COL26A1: variants seen among roughly 807,000 people sequenced by gnomAD.
The protein encoded by COL26A1 is collagen alpha-1(XXVI) chain.
COL26A1 carries 41 observed loss-of-function variants against 59.3 expected under a neutral mutation model. The observed-to-expected ratio is 0.69, with a 90% CI of 0.54 to 0.90. The LOEUF (loss-of-function observed/expected upper bound fraction) is 0.90, where lower values mean the gene tolerates loss of function less well. COL26A1 is among the 40% of genes least tolerant of loss of function. The pLI is 0.00. For synonymous variants in COL26A1, 266 were observed against 256.0 expected (o/e 1.04, Z -0.37); for missense variants, 612 against 602.3 (o/e 1.02, Z -0.17).
chr7:101,364,597 G>T (rs1456876637), intron 1 of COL26A1, among the ~76,000 whole-genome samples: 2 of 149,016 alleles, frequency 1.3e-5, no homozygotes, highest in Non-Finnish European at 3.0e-5. Context: ...TTAATATAGG[G>T]TCTTGCTTGC....
chr7:101,551,014 C>T, intron 9 of COL26A1, 94 bp from the exon 10 acceptor site: 2 of 1,375,564 alleles, frequency 1.5e-6, no homozygotes, highest in South Asian at 2.5e-5. Flanking sequence ...TCTGCAGACT[C>T]AGAGCACAGT....
At chr7:101,366,405 A>T (rs1261913973) in intron 1 of COL26A1, among the ~76,000 whole-genome samples, 1 of 150,312 alleles carries the variant, frequency 6.7e-6, no homozygotes, top group East Asian at 2.0e-4. Context: ...TTGACAGGCA[A>T]TGATGACAGG....
At chr7:101,450,297 C>G (rs1315205406) in intron 3 of COL26A1, among the ~76,000 whole-genome samples, 1 of 152,194 alleles carries the variant, frequency 6.6e-6, no homozygotes, top group South Asian at 2.1e-4. Context: ...AATATTGCCA[C>G]CCGGGGAAGC....
intron 1 of COL26A1, among the ~76,000 whole-genome samples, chr7:101,377,256 C>T (rs1387668157): frequency 1.3e-5 from 2 of 152,176 alleles, no homozygotes; most frequent in Non-Finnish European, 2.9e-5. Context: ...GATCCTCCCA[C>T]CTTGGCATCC....
intron 3 of COL26A1, among the ~76,000 whole-genome samples, chr7:101,460,649 C>T (rs1339355440): frequency 6.6e-6 from 1 of 151,990 alleles, no homozygotes; most frequent in Non-Finnish European, 1.5e-5. Flanking sequence ...GGCATGGTGG[C>T]ACGCATCTGT....
intron 3 of COL26A1, among the ~76,000 whole-genome samples, chr7:101,510,898 C>CTTTTTTTTTTTTTTTT (rs908747824): frequency 7.6e-6 from 1 of 130,936 alleles, no homozygotes; most frequent in Non-Finnish European, 1.6e-5. Context: ...TTCTTTCTTT[C>CTTTTTTTTTTTTTTTT]TTTTTTTTTT....
chr7:101,524,013 TAATCC>T (rs1562788071), intron 3 of COL26A1, among the ~76,000 whole-genome samples: 1 of 152,158 alleles, frequency 6.6e-6, no homozygotes, highest in African/African-American at 2.4e-5. Flanking sequence ...CTCATACCTG[TAATCC>T]CAGCACTTTG....
Position 101,469,297 on chromosome 7 carries a change from T to C in COL26A1, c.385+21510T>C, listed in dbSNP as rs1362253918. 3.9e-5 allele frequency among the ~76,000 whole-genome samples: 6 copies of C among 152,224 alleles called. No homozygotes were observed. The East Asian group carries it at 1.2e-3, about 30-fold the overall frequency. On this transcript the variant is annotated intron_variant, in intron 3 of 12. Coordinates refer to ENST00000313669, the MANE Select transcript of COL26A1 (RefSeq NM_001278563.3). The stretch of plus-strand genomic sequence containing the variant: ...AAAGGAAATGGAGACTGCTGTGGTT[T>C]TTTTTCTGACTCCAAATACATTGCT...
At chr7:101,421,976 G>C (rs1185664319) in intron 2 of COL26A1, among the ~76,000 whole-genome samples, 1 of 152,166 alleles carries the variant, frequency 6.6e-6, no homozygotes, top group African/African-American at 2.4e-5. Flanking sequence ...CAAGGGGAAT[G>C]GCTAGGTAAA....
At position 101,462,579 on chromosome 7, in the gene COL26A1, A is replaced by G. The variant is rs1793641779; in HGVS notation, c.385+14792A>G. On this transcript the variant is annotated intron_variant, in intron 3 of 12. Transcript: ENST00000313669. ...TGATCTGCCTGCCTCAGCCTCCCAA[A>G]GTGCTGGGATTACAGGCGTGAGCCA... Among the ~76,000 whole-genome samples the G allele has an allele frequency of 3.3e-5, 5 of 152,222 alleles. No homozygotes were observed. The South Asian group carries it at 1.0e-3, about 32-fold the overall frequency.
intron 3 of COL26A1, among the ~76,000 whole-genome samples, chr7:101,450,373 T>C (rs1251172779): frequency 6.6e-6 from 1 of 152,148 alleles, no homozygotes. Context: ...CATGGCTGAC[T>C]CAGATTCTAG....
intron 1 of COL26A1, among the ~76,000 whole-genome samples, chr7:101,381,995 A>G (rs181100138): frequency 2.2e-3 from 328 of 152,300 alleles, no homozygotes; most frequent in Admixed American, 2.5e-3. Flanking sequence ...TTCAGCCTTG[A>G]GCTAAGGGTC....
intron 2 of COL26A1, among the ~76,000 whole-genome samples, chr7:101,432,424 C>A (rs181579421): frequency 6.6e-6 from 1 of 152,092 alleles, no homozygotes; most frequent in African/African-American, 2.4e-5. Context: ...ATGTCTGGTC[C>A]CTTAATGGCA....
chr7:101,529,147 C>T (rs1430768550), intron 3 of COL26A1, among the ~76,000 whole-genome samples: 2 of 152,156 alleles, frequency 1.3e-5, no homozygotes, highest in African/African-American at 4.8e-5. Context: ...GCCCAGGCAA[C>T]AGAGCAAGAT....
At position 101,442,625 on chromosome 7, in the gene COL26A1, G is replaced by A. The variant is rs576313929; in HGVS notation, c.282-5059G>A. ...GATGAGGCTTTGTGGTTTGAAAGGC[G>A]TGACTCCCCAGGCTCCTTAGATAGG... On this transcript the variant is annotated intron_variant, in intron 2 of 12. Coordinates refer to ENST00000313669, the MANE Select transcript of COL26A1 (RefSeq NM_001278563.3). Among the ~76,000 whole-genome samples, 4 of 152,272 alleles carry A rather than the reference G, an allele frequency of 2.6e-5. No individual in the cohort carries two copies. In the South Asian group the frequency reaches 6.2e-4, roughly 24 times the overall value.
chr7:101,506,925 C>T (rs1794823188), intron 3 of COL26A1, among the ~76,000 whole-genome samples: 1 of 141,186 alleles, frequency 7.1e-6, no homozygotes, highest in Admixed American at 6.7e-5. Flanking sequence ...CCTAGAACCA[C>T]TCCTTTTTTT....
chr7:101,426,614 C>G (rs1028023787), intron 2 of COL26A1, among the ~76,000 whole-genome samples: 1 of 152,168 alleles, frequency 6.6e-6, no homozygotes, highest in Non-Finnish European at 1.5e-5. Context: ...CTGGATGTCT[C>G]ATTGGTCAAC....
At chr7:101,476,617 G>T (rs900614347) in intron 3 of COL26A1, among the ~76,000 whole-genome samples, 6 of 150,628 alleles carry the variant, frequency 4.0e-5, no homozygotes, top group African/African-American at 7.3e-5. Flanking sequence ...GCATGATCTC[G>T]GCTCACTGCA....
In COL26A1 at chr7:101,553,386, G is replaced by T. The variant is rs1321404850; in HGVS notation, c.1080+10G>T. On this transcript the variant is annotated intron_variant, in intron 11 of 12. Transcript: ENST00000313669. Reference sequence around the variant, plus strand: ...AGCCGCCACTGCAGAGGTAACCATGGCTGCCCTTCACGTTCCCTCCCGCCT... The same window carrying T: ...AGCCGCCACTGCAGAGGTAACCATGTCTGCCCTTCACGTTCCCTCCCGCCT... 1.2e-6 allele frequency: 2 copies of T among 1,613,256 alleles called. No individual in the cohort carries two copies. The highest frequency in any genetic ancestry group is 1.7e-6 in the Non-Finnish European group (2 of 1,179,508).
Sources: gnomAD v4.1 joint callset for allele counts (sites outside exome capture counted in the v4.1 genomes callset) on GRCh38, gnomAD v4.1.1 for gene constraint, MANE v1.5 for transcripts, NCBI Gene and HGNC (gene_info 2026-07-23, HGNC 2026-07-21) for gene names.